Variants in STK32B observed in about 807,000 individuals in gnomAD.
The protein encoded by STK32B is serine/threonine-protein kinase 32B.
STK32B carries 43 observed loss-of-function variants against 52.6 expected under a neutral mutation model. That is an observed-to-expected ratio of 0.82 (90% CI 0.64 to 1.05). The LOEUF (loss-of-function observed/expected upper bound fraction) is 1.05. STK32B is among the 50% of genes least tolerant of loss of function. The pLI is 0.00. For synonymous variants in STK32B, 238 were observed against 204.3 expected (o/e 1.17, Z -1.41); for missense variants, 621 against 534.6 (o/e 1.16, Z -1.59).
chr4:5,106,439 A>C (rs1043752221), intron 1 of STK32B, among the ~76,000 whole-genome samples: 6 of 152,202 alleles, frequency 3.9e-5, no homozygotes, highest in Admixed American at 3.9e-4. Flanking sequence ...GAACTTTACT[A>C]TATTCTCAGT....
chr4:5,492,467 G>A (rs1238612275), intron 11 of STK32B, among the ~76,000 whole-genome samples: 1 of 152,160 alleles, frequency 6.6e-6, no homozygotes, highest in East Asian at 1.9e-4. Flanking sequence ...AGCTTAAGGA[G>A]ATTTTGGGCT....
chr4:5,181,662 T>C (rs1720376355), intron 3 of STK32B, among the ~76,000 whole-genome samples: 1 of 152,242 alleles, frequency 6.6e-6, no homozygotes, highest in South Asian at 2.1e-4. Context: ...TACGCCATAC[T>C]GTAGTCGATT....
chr4:5,446,151 C>G (rs183958169), intron 6 of STK32B, among the ~76,000 whole-genome samples: 1 of 152,228 alleles, frequency 6.6e-6, no homozygotes, highest in Admixed American at 6.5e-5. Flanking sequence ...GCATTCCACC[C>G]GGTAGTGTCA....
Position 5,401,396 on chromosome 4 carries a change from T to G in STK32B, c.472+3152T>G, listed in dbSNP as rs553561262. The stretch of plus-strand genomic sequence containing the variant: ...ACAAGTTGGTCAGTTGTGTTTCAAA[T>G]GAAATATAAACATAATTAAACAAAT... On this transcript the variant is annotated intron_variant, in intron 5 of 11. Transcript: ENST00000282908. Among the ~76,000 whole-genome samples, 5 of 152,350 alleles carry G rather than the reference T, an allele frequency of 3.3e-5. No homozygotes were observed. The East Asian group carries it at 9.6e-4, about 29-fold the overall frequency.
At chr4:5,229,181 A>G (rs191322916) in intron 3 of STK32B, among the ~76,000 whole-genome samples, 170 of 151,982 alleles carry the variant, frequency 1.1e-3, no homozygotes, top group Admixed American at 1.9e-3. Flanking sequence ...AAAAAATGCA[A>G]TATCTGCAAA....
intron 3 of STK32B, among the ~76,000 whole-genome samples, chr4:5,310,059 A>G (rs963513242): frequency 2.0e-5 from 3 of 152,044 alleles, no homozygotes; most frequent in Non-Finnish European, 4.4e-5. Flanking sequence ...CCAGCTACTC[A>G]GGAGGCTGAG....
chr4:5,327,411 C>T (rs774809037), intron 3 of STK32B, among the ~76,000 whole-genome samples: 5 of 151,430 alleles, frequency 3.3e-5, no homozygotes, highest in Non-Finnish European at 5.9e-5. Context: ...TTACAAAATG[C>T]ATTTCTTAAA....
chr4:5,075,495 G>A (rs13109225), intron 1 of STK32B, among the ~76,000 whole-genome samples: 24,566 of 151,954 alleles, frequency 0.16, 2,272 homozygotes, highest in Non-Finnish European at 0.21. Context: ...ATATATCTAA[G>A]TAGGTTCATA....
At chr4:5,480,467 G>T (rs114659415) in intron 11 of STK32B, among the ~76,000 whole-genome samples, 34 of 152,294 alleles carry the variant, frequency 2.2e-4, no homozygotes, top group African/African-American at 6.5e-4. Context: ...GGAGCTTTCA[G>T]GCTATAGGTA....
rs947695719 is a variant in STK32B at position 5,258,362 on chromosome 4, T to A, written c.261-72858T>A. Reference sequence around the variant, plus strand: ...GTTTGGAGACAATTATGAGATTGAATGTCTGAACATAATTTGAACAGTACC... The same window carrying A: ...GTTTGGAGACAATTATGAGATTGAAAGTCTGAACATAATTTGAACAGTACC... On this transcript the variant is annotated intron_variant, in intron 3 of 11. Transcript: ENST00000282908. 3.9e-5 allele frequency among the ~76,000 whole-genome samples: 6 copies of A among 152,202 alleles called. No homozygotes were observed. The South Asian group carries it at 1.2e-3, about 32-fold the overall frequency.
At position 5,470,503 on chromosome 4, in the gene STK32B, C is replaced by T. The variant is rs866592589; in HGVS notation, c.1106+2433C>T. The stretch of plus-strand genomic sequence containing the variant: ...CATCCTGTCTCTGCTTACCTAAGTG[C>T]TTCCTCTGCGGCCCTGATGGCTGAT... On this transcript the variant is annotated intron_variant, in intron 11 of 11. Transcript: ENST00000282908. This position sits in a 1 kb window ranked among gnomAD's most constrained non-coding sequence, Gnocchi z 4.6. Among the ~76,000 whole-genome samples, 5 of 152,150 alleles carry T rather than the reference C, an allele frequency of 3.3e-5. No homozygotes were observed. The highest frequency in any genetic ancestry group is 2.1e-4 in the South Asian group (1 of 4,824).
At chr4:5,397,607 G>A (rs1036005273) in intron 4 of STK32B, among the ~76,000 whole-genome samples, 4 of 152,192 alleles carry the variant, frequency 2.6e-5, no homozygotes, top group East Asian at 1.9e-4. Context: ...AGGCTTTGAC[G>A]ACCACATTAA....
chr4:5,081,198 T>C (rs1304377100), intron 1 of STK32B, among the ~76,000 whole-genome samples: 1 of 152,190 alleles, frequency 6.6e-6, no homozygotes, highest in Admixed American at 6.5e-5. Context: ...TATATATACA[T>C]ACCAAATTTA....
At chr4:5,184,851 A>T (rs1720626673) in intron 3 of STK32B, among the ~76,000 whole-genome samples, 4 of 152,344 alleles carry the variant, frequency 2.6e-5, no homozygotes, top group Admixed American at 2.0e-4. Context: ...GATGTGCTTG[A>T]TGCAGGGTTG....
chr4:5,101,389 G>C (rs1409052581), intron 1 of STK32B, among the ~76,000 whole-genome samples: 1 of 152,178 alleles, frequency 6.6e-6, no homozygotes, highest in Non-Finnish European at 1.5e-5. Flanking sequence ...AAAGGAGAAA[G>C]TGGGAAGAGG....
At chr4:5,126,246 T>C (rs1022074493) in intron 1 of STK32B, among the ~76,000 whole-genome samples, 1 of 152,232 alleles carries the variant, frequency 6.6e-6, no homozygotes, top group Non-Finnish European at 1.5e-5. Context: ...CAGCTCCTCT[T>C]AGGATAGTCC....
chr4:5,146,610 A>G (rs573314890), intron 2 of STK32B, among the ~76,000 whole-genome samples: 56 of 152,290 alleles, frequency 3.7e-4, no homozygotes, highest in African/African-American at 1.3e-3. Context: ...TCTTATGGCA[A>G]CACCCTCACA....
Position 5,058,656 on chromosome 4 carries a change from C to A in STK32B, c.52+6741C>A, listed in dbSNP as rs754689103. On this transcript the variant is annotated intron_variant, in intron 1 of 11. Coordinates refer to ENST00000282908, the MANE Select transcript of STK32B (RefSeq NM_018401.3). This position sits in a 1 kb window ranked among gnomAD's most constrained non-coding sequence, Gnocchi z 4.8. Reference sequence around the variant, plus strand: ...TGACTCACTGCAGCCTCAACCTCCCCGGCTCAAGCAATCCTCCTGTGTCAG... The same window carrying A: ...TGACTCACTGCAGCCTCAACCTCCCAGGCTCAAGCAATCCTCCTGTGTCAG... 2.0e-5 allele frequency among the ~76,000 whole-genome samples: 3 copies of A among 152,096 alleles called. No individual in the cohort carries two copies. Among genetic ancestry groups the A allele is most frequent in the Non-Finnish European group, 2.9e-5 (2 of 68,020 alleles).
Position 5,460,368 on chromosome 4 carries a change from A to C in STK32B, c.909+140A>C. On this transcript the variant is annotated intron_variant, in intron 9 of 11. Coordinates refer to ENST00000282908, the MANE Select transcript of STK32B (RefSeq NM_018401.3). The surrounding 1 kb of genome is among the most constrained non-coding windows in gnomAD (Gnocchi z 4.8). ...GCACCAAGGGCTTATGTCTTGCTGG[A>C]ATTCAGGGTGAACTTGGGCCTGATT... 1 of 1,357,304 alleles carries C rather than the reference A, an allele frequency of 7.4e-7. No homozygotes were observed. Among genetic ancestry groups the C allele is most frequent in the Admixed American group, 2.4e-5 (1 of 41,522 alleles). 84.1% of individuals were successfully genotyped at this position (1,357,304 alleles called of 1,614,324 possible).
Sources: allele counts gnomAD v4.1 joint callset (sites outside exome capture counted in the v4.1 genomes callset), GRCh38; gene constraint gnomAD v4.1.1; non-coding constraint Gnocchi (gnomAD v3.1); transcripts MANE v1.5; gene names NCBI Gene and HGNC (gene_info 2026-07-23, HGNC 2026-07-21).